The following YEATS4 variants were observed in gnomAD, a reference collection of about 807,000 sequenced individuals.
YEATS4 encodes YEATS domain-containing protein 4.
Under a neutral mutation model 30.1 loss-of-function variants are expected in YEATS4, and 17 were observed. That is an observed-to-expected ratio of 0.56 (90% CI 0.39 to 0.85). The LOEUF is 0.85. YEATS4 is among the 40% of genes least tolerant of loss of function. The probability of loss-of-function intolerance (pLI) is 0.00; values close to 1 mark genes in which losing one functional copy is unlikely to be tolerated. For missense variants in YEATS4, 142 were observed against 268.3 expected, an observed-to-expected ratio of 0.53 and a Z score of 3.29; for synonymous variants, 85 against 87.5, an observed-to-expected ratio of 0.97 and a Z score of 0.16.
At chr12:69,392,625 T>A (rs1868324613), downstream of YEATS4, among the ~76,000 whole-genome samples, 1 of 152,224 alleles carries the variant, frequency 6.6e-6, no homozygotes, top group African/African-American at 2.4e-5. Context: ...CTCAGCTAAT[T>A]AGGCAGCTCA....
chr12:69,413,435 T>C, the YEATS4 span, among the ~76,000 whole-genome samples: 2 of 149,638 alleles, frequency 1.3e-5, no homozygotes, highest in Non-Finnish European at 3.0e-5. Flanking sequence ...GGAAAACATA[T>C]CAATTGAAAG....
At chr12:69,385,206 T>C (rs1470760089) in intron 6 of YEATS4, among the ~76,000 whole-genome samples, 2 of 150,906 alleles carry the variant, frequency 1.3e-5, no homozygotes, top group Non-Finnish European at 3.0e-5. Context: ...TAGGGGCAGG[T>C]TTCTCCACCT....
the YEATS4 span, among the ~76,000 whole-genome samples, chr12:69,415,040 C>T: frequency 6.6e-6 from 1 of 152,134 alleles, no homozygotes; most frequent in East Asian, 1.9e-4. Flanking sequence ...TCACAAAGAA[C>T]GTACACTAAG....
At chr12:69,412,697 G>A in the YEATS4 span, among the ~76,000 whole-genome samples, 1 of 152,068 alleles carries the variant, frequency 6.6e-6, no homozygotes, top group African/African-American at 2.4e-5. Context: ...TAAAGGCGAG[G>A]AAAGTCAAAC....
At chr12:69,425,819 AC>A in the YEATS4 span, among the ~76,000 whole-genome samples, 1 of 152,248 alleles carries the variant, frequency 6.6e-6, no homozygotes, top group African/African-American at 2.4e-5. Context: ...CAACCAAGCA[AC>A]CCACTGTGTG....
downstream of YEATS4, among the ~76,000 whole-genome samples, chr12:69,395,192 CAGAA>C (rs1189204009): frequency 1.3e-5 from 2 of 150,920 alleles, no homozygotes; most frequent in Non-Finnish European, 2.9e-5. Flanking sequence ...TTTATTTTCA[CAGAA>C]GGAAGAAGGG....
the YEATS4 span, among the ~76,000 whole-genome samples, chr12:69,414,637 A>C: frequency 6.6e-6 from 1 of 152,214 alleles, no homozygotes; most frequent in Non-Finnish European, 1.5e-5. Flanking sequence ...TCTGTCCAGA[A>C]CATTTTATTG....
intron 4 of YEATS4, among the ~76,000 whole-genome samples, chr12:69,369,235 C>G (rs1239305104): frequency 1.3e-5 from 2 of 152,190 alleles, no homozygotes; most frequent in South Asian, 4.1e-4. Flanking sequence ...CTGGATTTCT[C>G]AGCTTCAGAT....
chr12:69,406,076 TACTACA>T, the YEATS4 span, among the ~76,000 whole-genome samples: 1 of 152,360 alleles, frequency 6.6e-6, no homozygotes, highest in East Asian at 1.9e-4. Context: ...ATTATTTTGC[TACTACA>T]ATCAGTGGTG....
At chr12:69,361,870 A>G (rs1359811998) in intron 1 of YEATS4, among the ~76,000 whole-genome samples, 4 of 152,336 alleles carry the variant, frequency 2.6e-5, no homozygotes, top group Admixed American at 2.6e-4. Flanking sequence ...ACCAAGCTTC[A>G]GTCATCCAAG....
intron 6 of YEATS4, among the ~76,000 whole-genome samples, chr12:69,384,677 A>C (rs1316726542): frequency 1.3e-5 from 2 of 152,230 alleles, no homozygotes; most frequent in East Asian, 3.8e-4. Context: ...TATCCTGGCT[A>C]GGAAGGACTT....
intron 6 of YEATS4, among the ~76,000 whole-genome samples, chr12:69,386,554 C>G (rs561907410): frequency 6.6e-6 from 1 of 152,150 alleles, no homozygotes. Context: ...TACCTCATAA[C>G]ATTAGTGCAT....
intron 6 of YEATS4, among the ~76,000 whole-genome samples, chr12:69,389,321 G>GCA (rs2121078058): frequency 6.6e-6 from 1 of 151,562 alleles, no homozygotes; most frequent in East Asian, 2.0e-4. Context: ...ATGGCAGCAT[G>GCA]CACCTGTAGT....
chr12:69,408,180 T>C, the YEATS4 span, among the ~76,000 whole-genome samples: 1 of 152,200 alleles, frequency 6.6e-6, no homozygotes, highest in African/African-American at 2.4e-5. Flanking sequence ...TGGGAGATAC[T>C]GTTGGGCATT....
chr12:69,381,199 G>A (rs1439609595), intron 6 of YEATS4, among the ~76,000 whole-genome samples: 16 of 152,186 alleles, frequency 1.1e-4, no homozygotes, highest in East Asian at 7.7e-4. Context: ...AAAGACAGCC[G>A]CCCCTGAAGC....
At chr12:69,387,742 G>C (rs1447898396) in intron 6 of YEATS4, among the ~76,000 whole-genome samples, 1 of 152,178 alleles carries the variant, frequency 6.6e-6, no homozygotes, top group Non-Finnish European at 1.5e-5. Context: ...TATATGCTTT[G>C]TATATCAGCA....
the YEATS4 span, among the ~76,000 whole-genome samples, chr12:69,402,685 A>G: frequency 6.6e-6 from 1 of 151,958 alleles, no homozygotes; most frequent in Non-Finnish European, 1.5e-5. Context: ...ATGTATCACA[A>G]AATATTTTCC....
chr12:69,386,602 T>A (rs1868252834), intron 6 of YEATS4, among the ~76,000 whole-genome samples: 1 of 152,168 alleles, frequency 6.6e-6, no homozygotes, highest in Admixed American at 6.5e-5. Flanking sequence ...TACCCCAGCA[T>A]CTAACAAAGC....
chr12:69,374,460 G>A (rs2120979178), intron 6 of YEATS4, among the ~76,000 whole-genome samples: 1 of 151,870 alleles, frequency 6.6e-6, no homozygotes, highest in South Asian at 2.1e-4. Context: ...CTCGGAGAGG[G>A]GGATTTGGCA....
Sources: gnomAD v4.1 joint callset for allele counts (sites outside exome capture counted in the v4.1 genomes callset) on GRCh38, gnomAD v4.1.1 for gene constraint, MANE v1.5 for transcripts, NCBI Gene and HGNC (gene_info 2026-07-23, HGNC 2026-07-21) for gene names.